TRPM2: variants seen among roughly 807,000 people sequenced by gnomAD.
TRPM2 encodes estrogen-responsive element-associated gene 1 protein.
In TRPM2, 161 loss-of-function variants were observed where a neutral mutation model predicts 174.0. That is an observed-to-expected ratio of 0.93 (90% CI 0.81 to 1.05). The LOEUF (loss-of-function observed/expected upper bound fraction) is 1.05, where lower values mean the gene tolerates loss of function less well. TRPM2 is among the 50% of genes least tolerant of loss of function. The pLI is 0.00. For synonymous variants in TRPM2, 954 were observed against 861.3 expected (o/e 1.11, Z -1.88); for missense variants, 2,057 against 2,038.0 (o/e 1.01, Z -0.18).
At position 44,366,858 on chromosome 21, in the gene TRPM2, G is replaced by T. The variant is rs756088924; in HGVS notation, c.528G>T (p.Gly176=). ...ATCTCTTGATCTCGGTGACCGGGGG[G>T]GCCAAGAACTTCAACATGAAGCCGC... The part of the protein sequence containing the change: ...VPNLLISVTG[G]AKNFNMKPRL... The change falls in exon 4 of 32, where the codon GGG becomes GGT. Residue 176 remains glycine, a synonymous_variant. Coordinates refer to ENST00000397928, the MANE Select transcript of TRPM2 (RefSeq NM_003307.4). The surrounding 1 kb of genome is among the most constrained non-coding windows in gnomAD (Gnocchi z 6.0). The T allele has an allele frequency of 3.7e-6, 6 of 1,613,548 alleles. No homozygotes were observed. In the East Asian group the frequency reaches 1.1e-4, roughly 30 times the overall value.
chr21:44,431,175 T>TA (rs1482231138), intron 27 of TRPM2, among the ~76,000 whole-genome samples: 4 of 152,118 alleles, frequency 2.6e-5, no homozygotes, highest in Non-Finnish European at 5.9e-5. Context: ...CTAATAAGGG[T>TA]ACCTAAGACT....
At chr21:44,364,575 C>G (rs116147016) in intron 3 of TRPM2, among the ~76,000 whole-genome samples, 2 of 151,566 alleles carry the variant, frequency 1.3e-5, no homozygotes, top group Non-Finnish European at 2.9e-5. Context: ...TGTCCTTGGG[C>G]GGCATTTGTC....
intron 27 of TRPM2, among the ~76,000 whole-genome samples, chr21:44,427,790 C>T (rs574659605): frequency 6.6e-6 from 1 of 152,220 alleles, no homozygotes; most frequent in East Asian, 1.9e-4. Context: ...GGTGTGGGCT[C>T]CTCTGCCTGG....
intron 21 of TRPM2, 80 bp from the exon 22 acceptor site, chr21:44,418,343 G>A: frequency 6.4e-7 from 1 of 1,567,408 alleles, no homozygotes; most frequent in South Asian, 1.2e-5. Flanking sequence ...CCTCCCACGG[G>A]GCCCCCCCGG....
chr21:44,437,413 A>G (rs2051318472), intron 29 of TRPM2, among the ~76,000 whole-genome samples: 1 of 152,116 alleles, frequency 6.6e-6, no homozygotes, highest in African/African-American at 2.4e-5. Flanking sequence ...CGGGGCACCT[A>G]CTGTGTCCCA....
chr21:44,400,260 C>T lies in TRPM2; in HGVS notation c.2210C>T (p.Ala737Val), dbSNP rs779298093. 3 of 1,611,786 alleles carry T rather than the reference C, an allele frequency of 1.9e-6. No individual in the cohort carries two copies. The highest frequency in any genetic ancestry group is 2.5e-6 in the Non-Finnish European group (3 of 1,179,262). ...MKFVSHGGIQ[A>V]FLTKVWWGQL... ...TCCTGAGACTGCCCCCATCCGCAGGCCTTCCTGACCAAGGTGTGGTGGGGC... is the reference window on the plus strand; with the variant it reads ...TCCTGAGACTGCCCCCATCCGCAGGTCTTCCTGACCAAGGTGTGGTGGGGC... The change falls in exon 15 of 32, where the codon GCC becomes GTC. Residue 737 changes from alanine to valine, a missense_variant and splice_region_variant. Ala to Val is a moderately conservative substitution (Grantham distance 64). Transcript: ENST00000397928.
intron 9 of TRPM2, among the ~76,000 whole-genome samples, chr21:44,383,038 G>A (rs1481798549): frequency 6.6e-6 from 1 of 152,194 alleles, no homozygotes; most frequent in Admixed American, 6.5e-5. Context: ...TGGAATCCGA[G>A]TGCAGCCTGT....
intron 8 of TRPM2, 82 bp from the exon 9 acceptor site, chr21:44,382,636 C>CG: frequency 7.3e-7 from 1 of 1,371,712 alleles, no homozygotes; most frequent in Non-Finnish European, 1.0e-6. Flanking sequence ...TGGCTGTGTC[C>CG]GGGGCCTCAA....
intron 18 of TRPM2, 28 bp from the exon 19 acceptor site, chr21:44,406,566 T>C (rs2146300775): frequency 6.3e-7 from 1 of 1,593,994 alleles, no homozygotes; most frequent in Non-Finnish European, 8.5e-7. Context: ...GCCAGGAGAG[T>C]GTAGCCCACA....
chr21:44,421,316 TA>T (rs572004137), intron 22 of TRPM2, among the ~76,000 whole-genome samples: 473 of 142,090 alleles, frequency 3.3e-3, no homozygotes, highest in Middle Eastern at 3.6e-3. Flanking sequence ...AGACTCCACC[TA>T]AAAAAAAAAA....
rs1234022829 is a variant in TRPM2, at chr21:44,354,435, G to A, written c.166-213G>A. On this transcript the variant is annotated intron_variant, in intron 1 of 31. Coordinates refer to ENST00000397928, the MANE Select transcript of TRPM2 (RefSeq NM_003307.4). This position sits in a 1 kb window ranked among gnomAD's most constrained non-coding sequence, Gnocchi z 4.3. ...GCGCGCACATTCAAAATGGTCCCAA[G>A]AGGAAATGATTTCTTAGATTCATTC... 6.6e-6 allele frequency among the ~76,000 whole-genome samples: 1 copy of A among 152,150 alleles called. No individual in the cohort carries two copies. The highest frequency in any genetic ancestry group is 1.9e-4 in the East Asian group (1 of 5,196).
intron 11 of TRPM2, among the ~76,000 whole-genome samples, chr21:44,393,313 T>C (rs2049241111): frequency 6.6e-6 from 1 of 152,228 alleles, no homozygotes; most frequent in African/African-American, 2.4e-5. Flanking sequence ...ATTGAGCTCC[T>C]TTTCTTCTTT....
intron 19 of TRPM2, among the ~76,000 whole-genome samples, chr21:44,412,490 C>T (rs1380200435): frequency 6.6e-6 from 1 of 151,758 alleles, no homozygotes; most frequent in South Asian, 2.1e-4. Context: ...CTCTTTTTTT[C>T]CTTGATCAGT....
chr21:44,433,779 C>A (rs1049375055), intron 27 of TRPM2, among the ~76,000 whole-genome samples: 1 of 152,190 alleles, frequency 6.6e-6, no homozygotes, highest in Non-Finnish European at 1.5e-5. Context: ...TCTGAGAGGC[C>A]TGGCCAGGTG....
Position 44,383,171 on chromosome 21 carries a change from G to T in TRPM2, c.1318+351G>T, listed in dbSNP as rs187883482. On this transcript the variant is annotated intron_variant, in intron 9 of 31. Coordinates refer to ENST00000397928, the MANE Select transcript of TRPM2 (RefSeq NM_003307.4). ...CTGCTTTAGCTCCTCTACCTCTGAT[G>T]CAGGAAAGAGTGTAGAGGTAGAGCA... 1.5e-3 allele frequency among the ~76,000 whole-genome samples: 232 copies of T among 152,292 alleles called. 1 individual carries two copies. The highest frequency in any genetic ancestry group is 5.4e-3 in the African/African-American group (224 of 41,556).
intron 29 of TRPM2, 64 bp downstream of exon 29, chr21:44,437,231 C>G: frequency 6.9e-7 from 1 of 1,450,126 alleles, no homozygotes; most frequent in Admixed American, 2.0e-5. Flanking sequence ...GTCCATTCAT[C>G]CATTCTGCCC....
chr21:44,404,773 GTGAC>G (rs767865331), intron 16 of TRPM2, among the ~76,000 whole-genome samples: 32 of 150,934 alleles, frequency 2.1e-4, no homozygotes, highest in Non-Finnish European at 4.1e-4. Context: ...GATAGTGACA[GTGAC>G]TGTGATGATA....
chr21:44,357,000 G>A (rs1328305153), intron 2 of TRPM2, among the ~76,000 whole-genome samples: 1 of 152,088 alleles, frequency 6.6e-6, no homozygotes, highest in South Asian at 2.1e-4. Context: ...CGCCATCTTG[G>A]TTTTGGTGGG....
intron 22 of TRPM2, among the ~76,000 whole-genome samples, chr21:44,422,020 C>T (rs1467604377): frequency 6.6e-6 from 1 of 152,242 alleles, no homozygotes; most frequent in Non-Finnish European, 1.5e-5. Flanking sequence ...TCCCATTGGT[C>T]AGCAGCTCTT....
Sources: gnomAD v4.1 joint callset for allele counts (sites outside exome capture counted in the v4.1 genomes callset) on GRCh38, gnomAD v4.1.1 for gene constraint, Gnocchi (gnomAD v3.1) non-coding constraint, MANE v1.5 for transcripts, NCBI Gene and HGNC (gene_info 2026-07-23, HGNC 2026-07-21) for gene names.